Variants in TMEM123 observed in about 807,000 individuals in gnomAD.
TMEM123 encodes the protein porimin.
A neutral mutation model predicts 19.7 loss-of-function variants in TMEM123; 16 were observed. That is an observed-to-expected ratio of 0.81 (90% CI 0.55 to 1.23). The LOEUF (loss-of-function observed/expected upper bound fraction) is 1.23. TMEM123 is among the 50% of genes most tolerant of loss of function. TMEM123 has a pLI of 0.00. For synonymous variants in TMEM123, 118 were observed against 99.4 expected (o/e 1.19, Z -1.12); for missense variants, 313 against 257.8 (o/e 1.21, Z -1.47).
chr11:102,451,171 G>C (rs1371108621), intron 1 of TMEM123: 1 of 152,144 alleles, frequency 6.6e-6, no homozygotes, highest in Non-Finnish European at 1.5e-5. Flanking sequence ...TGTGTTATCA[G>C]GGCAAAAGAA....
At chr11:102,436,690 G>A (rs941122231) in intron 2 of TMEM123, among the ~76,000 whole-genome samples, 2 of 147,396 alleles carry the variant, frequency 1.4e-5, no homozygotes, top group South Asian at 2.1e-4. Context: ...AAAATTATTC[G>A]TGAGAAATCT....
intron 2 of TMEM123, among the ~76,000 whole-genome samples, chr11:102,441,313 T>C (rs1377113748): frequency 6.6e-6 from 1 of 152,122 alleles, no homozygotes; most frequent in Non-Finnish European, 1.5e-5. Flanking sequence ...CCTCAGCAAA[T>C]GTAAAAGAAC....
intron 2 of TMEM123, among the ~76,000 whole-genome samples, chr11:102,436,573 C>T (rs372028249): frequency 1.8e-4 from 27 of 152,032 alleles, no homozygotes; most frequent in African/African-American, 6.5e-4. Context: ...AACACGGACA[C>T]ACAAAGAGAT....
chr11:102,451,523 G>A (rs1455744769), intron 1 of TMEM123, among the ~76,000 whole-genome samples: 1 of 152,138 alleles, frequency 6.6e-6, no homozygotes, highest in African/African-American at 2.4e-5. Context: ...TTTTTCTTTT[G>A]CTGGATAAAA....
intron 2 of TMEM123, among the ~76,000 whole-genome samples, chr11:102,422,279 G>C (rs1952093456): frequency 6.6e-6 from 1 of 152,124 alleles, no homozygotes; most frequent in African/African-American, 2.4e-5. Context: ...TTTGAGATCA[G>C]CCTGGCCAAC....
At chr11:102,441,099 ACT>A (rs1243949846) in intron 2 of TMEM123, among the ~76,000 whole-genome samples, 1 of 152,154 alleles carries the variant, frequency 6.6e-6, no homozygotes, top group Non-Finnish European at 1.5e-5. Flanking sequence ...ATAATGGGAG[ACT>A]TTAACACCCC....
intron 2 of TMEM123, among the ~76,000 whole-genome samples, chr11:102,405,867 A>AT (rs1951951863): frequency 6.6e-6 from 1 of 152,246 alleles, no homozygotes; most frequent in Non-Finnish European, 1.5e-5. Flanking sequence ...CTATGAATTG[A>AT]CAAAACAGGC....
chr11:102,401,072 T>C (rs1363277679), intron 4 of TMEM123, among the ~76,000 whole-genome samples: 1 of 152,208 alleles, frequency 6.6e-6, no homozygotes, highest in Non-Finnish European at 1.5e-5. Context: ...ATATTATTTA[T>C]ACTAACCACT....
chr11:102,449,268 G>T (rs1857915187), intron 1 of TMEM123: 1 of 165,242 alleles, frequency 6.1e-6, no homozygotes, highest in Non-Finnish European at 1.3e-5. Flanking sequence ...GGCATCTCTA[G>T]GTCTTGCACC....
chr11:102,425,288 C>T (rs1216283417), intron 2 of TMEM123, among the ~76,000 whole-genome samples: 2 of 152,174 alleles, frequency 1.3e-5, no homozygotes, highest in Admixed American at 6.5e-5. Flanking sequence ...ACACCTTGAA[C>T]AACAACGCTT....
At chr11:102,409,356 C>A (rs985400170) in intron 2 of TMEM123, among the ~76,000 whole-genome samples, 2 of 151,996 alleles carry the variant, frequency 1.3e-5, no homozygotes, top group African/African-American at 2.4e-5. Context: ...AACATGAAAA[C>A]CTTGAGAATC....
Position 102,397,159 on chromosome 11 carries a change from A to G in TMEM123, c.*1708T>C, listed in dbSNP as rs1246708253. 6.6e-6 allele frequency: 1 copy of G among 152,218 alleles called. No individual in the cohort carries two copies. The highest frequency in any genetic ancestry group is 2.4e-5 in the African/African-American group (1 of 41,464). The allele number at this position is 152,218 out of a possible 1,614,324, so 9.4% of individuals were successfully genotyped here. A position where few individuals can be genotyped will look rare whatever the true frequency, so the allele number is the denominator to read the frequency against. On this transcript the variant is annotated 3_prime_UTR_variant, in exon 5 of 5. Transcript: ENST00000398136. ...CATACTCCATGTATGTGTTACATAC[A>G]TCCAATCATATCCATATTTTGGATC... is the stretch of plus-strand genomic sequence containing the variant.
chr11:102,452,095 G>A (rs1857946912), intron 1 of TMEM123: 1 of 155,852 alleles, frequency 6.4e-6, no homozygotes, highest in Non-Finnish European at 1.4e-5. Context: ...CGCTTGAAAA[G>A]CTCCCCGACT....
chr11:102,407,120 A>C (rs1951962764), intron 2 of TMEM123, among the ~76,000 whole-genome samples: 1 of 152,186 alleles, frequency 6.6e-6, no homozygotes, highest in South Asian at 2.1e-4. Context: ...TTTGTCCCTT[A>C]AGCCTCTCTA....
chr11:102,422,289 C>T (rs1277391382), intron 2 of TMEM123, among the ~76,000 whole-genome samples: 1 of 152,140 alleles, frequency 6.6e-6, no homozygotes, highest in Admixed American at 6.5e-5. Flanking sequence ...GCCTGGCCAA[C>T]ATGACGAAAC....
intron 2 of TMEM123, among the ~76,000 whole-genome samples, chr11:102,421,470 T>A (rs1055640928): frequency 2.0e-5 from 3 of 151,972 alleles, no homozygotes; most frequent in Non-Finnish European, 4.4e-5. Flanking sequence ...ACATAAGAAT[T>A]TGGTCATTAA....
Position 102,450,666 on chromosome 11 carries a change from T to C in TMEM123, c.101-1798A>G, listed in dbSNP as rs772787708. Among the ~76,000 whole-genome samples, 3 of 152,264 alleles carry C rather than the reference T, an allele frequency of 2.0e-5. No homozygotes were observed. The East Asian group carries it at 5.8e-4, about 29-fold the overall frequency. Reference sequence around the variant, plus strand: ...CGCGGCTTAGTGGTGAAATGGTTAATTGAAAATTTGGATTTTGATCTGAAA... The same window carrying C: ...CGCGGCTTAGTGGTGAAATGGTTAACTGAAAATTTGGATTTTGATCTGAAA... On this transcript the variant is annotated intron_variant, in intron 1 of 4. Transcript: ENST00000398136.
chr11:102,430,945 G>C (rs922781191), intron 2 of TMEM123, among the ~76,000 whole-genome samples: 2 of 152,180 alleles, frequency 1.3e-5, no homozygotes, highest in African/African-American at 4.8e-5. Context: ...CACTAAACTA[G>C]TGAACCAAAT....
Position 102,416,589 on chromosome 11 carries a change from TAATAA to T in TMEM123, c.158-14388_158-14384del, listed in dbSNP as rs374914571. Among the ~76,000 whole-genome samples the T allele has an allele frequency of 3.8e-3, 577 of 151,806 alleles. 5 individuals are homozygous for T. Among genetic ancestry groups the T allele is most frequent in the African/African-American group, 0.013 (550 of 41,500 alleles). On this transcript the variant is annotated intron_variant, in intron 2 of 4. Coordinates refer to ENST00000398136, the MANE Select transcript of TMEM123 (RefSeq NM_052932.3). ...CAGTCAAGTTCTACCAGACATATAT[TAATAA>T]AATATAAAATTATTCCAAAAAATTA...
Sources: allele counts gnomAD v4.1 joint callset (sites outside exome capture counted in the v4.1 genomes callset), GRCh38; gene constraint gnomAD v4.1.1; transcripts MANE v1.5; gene names NCBI Gene and HGNC (gene_info 2026-07-23, HGNC 2026-07-21).